The following ZNF484 variants were observed in gnomAD, a reference collection of about 807,000 sequenced individuals.
ZNF484 encodes the protein zinc finger protein 484, also known as KRAB box containing C2H2 type zinc finger bA526D8.4.
ZNF484 carries 11 observed loss-of-function variants against 12.9 expected under a neutral mutation model. That is an observed-to-expected ratio of 0.85 (90% CI 0.54 to 1.41). ZNF484 has a LOEUF of 1.41. ZNF484 is among the 40% of genes most tolerant of loss of function. The probability of loss-of-function intolerance (pLI) is 0.00; values close to 1 mark genes in which losing one functional copy is unlikely to be tolerated. For synonymous variants in ZNF484, 289 were observed against 334.1 expected, an observed-to-expected ratio of 0.86 and a Z score of 1.47; for missense variants, 807 against 1,007.7, an observed-to-expected ratio of 0.80 and a Z score of 2.70.
At chr9:92,874,965 T>C (rs770922402) in intron 2 of ZNF484, 50 bp downstream of exon 2, 1 of 1,588,658 alleles carries the variant, frequency 6.3e-7, no homozygotes, top group South Asian at 1.1e-5. Context: ...TAAAATCCAC[T>C]AAAAGTAAAA....
intron 1 of ZNF484, among the ~76,000 whole-genome samples, chr9:92,876,582 A>G (rs528018493): frequency 3.9e-5 from 6 of 152,330 alleles, no homozygotes; most frequent in African/African-American, 1.4e-4. Flanking sequence ...GTGGAATTCG[A>G]TGTTAAAAAG....
intron 2 of ZNF484, among the ~76,000 whole-genome samples, chr9:92,860,355 C>G (rs1856705400): frequency 6.6e-6 from 1 of 152,100 alleles, no homozygotes; most frequent in Non-Finnish European, 1.5e-5. Context: ...GTAATCCCAG[C>G]ACTTTGGGAG....
rs1388720289 is a variant in ZNF484, at chr9:92,847,892, TCTGA to T, written c.891_894del (p.Ser297ArgfsTer102). 7 of 1,614,084 alleles carry T rather than the reference TCTGA, an allele frequency of 4.3e-6. No homozygotes were observed. Among genetic ancestry groups the T allele is most frequent in the Non-Finnish European group, 5.9e-6 (7 of 1,180,038 alleles). ...TCAGTGCATATTCCTGCATAAACCC[TCTGA>T]CTGCCATCAAGCTGGGACTTCTGAG... On this transcript the variant is annotated frameshift_variant, in exon 5 of 5. Coordinates refer to ENST00000375495, the MANE Select transcript of ZNF484 (RefSeq NM_031486.4). LOFTEE classifies it low-confidence loss of function (END_TRUNC).
At chr9:92,870,726 A>C (rs1306720859) in intron 2 of ZNF484, among the ~76,000 whole-genome samples, 1 of 152,240 alleles carries the variant, frequency 6.6e-6, no homozygotes, top group Non-Finnish European at 1.5e-5. Context: ...ATGAGGCCCT[A>C]TCCAACCTAA....
At chr9:92,872,957 A>G (rs926333080) in intron 2 of ZNF484, among the ~76,000 whole-genome samples, 2 of 152,182 alleles carry the variant, frequency 1.3e-5, no homozygotes, top group African/African-American at 4.8e-5. Context: ...GGATCAGGCA[A>G]AAATATCCTT....
At chr9:92,870,523 G>C (rs1053049114) in intron 2 of ZNF484, among the ~76,000 whole-genome samples, 1 of 152,200 alleles carries the variant, frequency 6.6e-6, no homozygotes, top group Non-Finnish European at 1.5e-5. Context: ...TATGAGAAAA[G>C]CCAACTGGGG....
At chr9:92,873,170 G>A (rs1026851892) in intron 2 of ZNF484, among the ~76,000 whole-genome samples, 2 of 152,122 alleles carry the variant, frequency 1.3e-5, no homozygotes, top group South Asian at 2.1e-4. Context: ...GCAGGCAGGC[G>A]GTCACTAGGG....
intron 4 of ZNF484, among the ~76,000 whole-genome samples, chr9:92,851,729 A>G (rs1314984166): frequency 6.6e-6 from 1 of 152,110 alleles, no homozygotes; most frequent in Non-Finnish European, 1.5e-5. Context: ...CAGTCTTTTC[A>G]TTTTCTCCAT....
intron 2 of ZNF484, chr9:92,862,281 A>C (rs1396212343): frequency 3.2e-6 from 1 of 308,862 alleles, no homozygotes. Context: ...TGAGAACTTT[A>C]TGTTGTGAAC....
In ZNF484 at chr9:92,846,645, A is replaced by G. The variant is rs1855624348; in HGVS notation, c.2142T>C (p.His714=). The G allele has an allele frequency of 1.9e-6, 3 of 1,613,814 alleles. No individual in the cohort carries two copies. The highest frequency in any genetic ancestry group is 2.5e-6 in the Non-Finnish European group (3 of 1,179,980). Reference sequence around the variant, plus strand: ...TACAAATATAGGGTTTCTCTCCTGTATGAATTCTCTGATGCATAATTAGTG... The same window carrying G: ...TACAAATATAGGGTTTCTCTCCTGTGTGAATTCTCTGATGCATAATTAGTG... ...KSTLIMHQRI[H]TGEKPYICNE... The change falls in exon 5 of 5, where the codon CAT becomes CAC. Residue 714 remains histidine, a synonymous_variant. Coordinates refer to ENST00000375495, the MANE Select transcript of ZNF484 (RefSeq NM_031486.4).
intron 1 of ZNF484, among the ~76,000 whole-genome samples, chr9:92,875,432 A>G (rs1327178113): frequency 6.6e-6 from 1 of 152,150 alleles, no homozygotes; most frequent in African/African-American, 2.4e-5. Context: ...ATCTGCTCTA[A>G]GTGTCAATTG....
intron 2 of ZNF484, among the ~76,000 whole-genome samples, chr9:92,873,977 C>T (rs1857620139): frequency 6.6e-6 from 1 of 152,108 alleles, no homozygotes; most frequent in African/African-American, 2.4e-5. Context: ...TCCATGGATG[C>T]AACGCTGGTT....
chr9:92,848,666 T>A lies in ZNF484; in HGVS notation c.236-115A>T. 1.1e-6 allele frequency: 1 copy of A among 925,194 alleles called. No homozygotes were observed. Among genetic ancestry groups the A allele is most frequent in the Non-Finnish European group, 1.6e-6 (1 of 642,204 alleles). 57.3% of individuals were successfully genotyped at this position (925,194 alleles called of 1,614,324 possible). ...ACTTTGGGAGGCTGAGGTGGGCAGA[T>A]CACTTGAGGCCAGGAGTTTGAGACC... On this transcript the variant is annotated intron_variant, in intron 4 of 4. Transcript: ENST00000375495. The surrounding 1 kb of genome is among the most constrained non-coding windows in gnomAD (Gnocchi z 4.1).
chr9:92,870,835 A>T (rs781499259), intron 2 of ZNF484, among the ~76,000 whole-genome samples: 5 of 152,226 alleles, frequency 3.3e-5, no homozygotes, highest in Non-Finnish European at 5.9e-5. Context: ...CTGAACTGCC[A>T]ACCCCAACTA....
chr9:92,848,879 AGTCTGGG>A lies in ZNF484; in HGVS notation c.236-335_236-329del, dbSNP rs1244196769. Among the ~76,000 whole-genome samples, 1 of 151,884 alleles carries A rather than the reference AGTCTGGG, an allele frequency of 6.6e-6. No individual in the cohort carries two copies. The highest frequency in any genetic ancestry group is 1.5e-5 in the Non-Finnish European group (1 of 68,016). On this transcript the variant is annotated intron_variant, in intron 4 of 4. Coordinates refer to ENST00000375495, the MANE Select transcript of ZNF484 (RefSeq NM_031486.4). This position sits in a 1 kb window ranked among gnomAD's most constrained non-coding sequence, Gnocchi z 4.1. ...AGCTGAAATTGCGCCATTGCACTCT[AGTCTGGG>A]TGACAGAGCAAGACTCTGTCTCCAA...
intron 2 of ZNF484, among the ~76,000 whole-genome samples, chr9:92,860,915 A>G (rs915583908): frequency 1.3e-5 from 2 of 152,188 alleles, no homozygotes; most frequent in African/African-American, 4.8e-5. Context: ...AGTTATAAAA[A>G]GGGGTTCTTT....
chr9:92,849,688 G>T (rs956341788), intron 4 of ZNF484, among the ~76,000 whole-genome samples: 1 of 152,144 alleles, frequency 6.6e-6, no homozygotes, highest in African/African-American at 2.4e-5. Context: ...CTACTTAGGA[G>T]GCTGAAGCAG....
At chr9:92,861,991 T>C (rs190482710) in intron 2 of ZNF484, 33 of 199,456 alleles carry the variant, frequency 1.7e-4, no homozygotes, top group Admixed American at 4.6e-4. Context: ...AAGAATGACT[T>C]TCTCATTAAA....
chr9:92,857,872 C>T (rs759847838), intron 2 of ZNF484, among the ~76,000 whole-genome samples: 7 of 152,146 alleles, frequency 4.6e-5, no homozygotes, highest in Non-Finnish European at 8.8e-5. Flanking sequence ...ATCCTCCTGT[C>T]TCAGCCCCAC....
Sources: gnomAD v4.1 joint callset for allele counts (sites outside exome capture counted in the v4.1 genomes callset) on GRCh38, gnomAD v4.1.1 for gene constraint, Gnocchi (gnomAD v3.1) non-coding constraint, MANE v1.5 for transcripts, NCBI Gene and HGNC (gene_info 2026-07-23, HGNC 2026-07-21) for gene names.